ERN1: variants seen among roughly 807,000 people sequenced by gnomAD.
ERN1 encodes serine/threonine-protein kinase/endoribonuclease IRE1.
In ERN1, 39 loss-of-function variants were observed where a neutral mutation model predicts 113.1. The observed-to-expected ratio is 0.34, with a 90% CI of 0.27 to 0.45. ERN1 has a LOEUF of 0.45. ERN1 is among the 20% of genes least tolerant of loss of function. The pLI is 1.00. For synonymous variants in ERN1, 507 were observed against 515.9 expected (o/e 0.98, Z 0.23); for missense variants, 976 against 1,274.8 (o/e 0.77, Z 3.57).
At chr17:64,093,798 T>C (rs1338435427) in intron 2 of ERN1, among the ~76,000 whole-genome samples, 1 of 152,210 alleles carries the variant, frequency 6.6e-6, no homozygotes, top group East Asian at 1.9e-4. Flanking sequence ...CAACAGGGCA[T>C]GTTGCTCCTT....
At chr17:64,082,064 T>C (rs1400147552) in intron 2 of ERN1, among the ~76,000 whole-genome samples, 1 of 152,228 alleles carries the variant, frequency 6.6e-6, no homozygotes, top group Non-Finnish European at 1.5e-5. Flanking sequence ...TAGGCTCTGC[T>C]TATGGTGACA....
intron 2 of ERN1, among the ~76,000 whole-genome samples, chr17:64,086,612 C>G (rs377535868): frequency 1.0e-5 from 1 of 97,790 alleles, no homozygotes; most frequent in African/African-American, 3.5e-5. Context: ...GACCTATTTT[C>G]ATTTCTTTTT....
In ERN1 at chr17:64,080,777, T is replaced by C; in HGVS notation, c.207A>G (p.Glu69=). 10 of 1,610,510 alleles carry C rather than the reference T, an allele frequency of 6.2e-6. No individual in the cohort carries two copies. The highest frequency in any genetic ancestry group is 3.3e-5 in the South Asian group (3 of 90,142). Residue 69 remains glutamate, a splice_region_variant and synonymous_variant, in exon 3 of 22, where the codon GAA becomes GAG. Coordinates refer to ENST00000433197, the MANE Select transcript of ERN1 (RefSeq NM_001433.5). ...DPVLQVPTHV[E]EPAFLPDPND... ...ACTGAGCGAATCAGAAAACTTACTCTTCCACATGTGTTGGGACCTGCAGGA... is the reference window on the plus strand; with the variant it reads ...ACTGAGCGAATCAGAAAACTTACTCCTCCACATGTGTTGGGACCTGCAGGA...
intron 4 of ERN1, among the ~76,000 whole-genome samples, chr17:64,078,678 G>A (rs1913673399): frequency 6.6e-6 from 1 of 151,972 alleles, no homozygotes; most frequent in African/African-American, 2.4e-5. Flanking sequence ...ATTCCTATAT[G>A]GATATCCCAA....
At chr17:64,085,023 T>A (rs527242276) in intron 2 of ERN1, among the ~76,000 whole-genome samples, 1 of 152,202 alleles carries the variant, frequency 6.6e-6, no homozygotes, top group Non-Finnish European at 1.5e-5. Context: ...TTCTGTATAT[T>A]TTATTGCTTA....
intron 1 of ERN1, among the ~76,000 whole-genome samples, chr17:64,120,322 A>G (rs1280950980): frequency 6.6e-6 from 1 of 152,222 alleles, no homozygotes; most frequent in African/African-American, 2.4e-5. Flanking sequence ...TACCTTGGTC[A>G]ACAAACTTCT....
At chr17:64,080,489 G>A (rs1190295859) in intron 3 of ERN1, 2 of 358,644 alleles carry the variant, frequency 5.6e-6, no homozygotes, top group Non-Finnish European at 1.0e-5. Context: ...CAGCAAAGAG[G>A]AAGAGGTCCA....
intron 2 of ERN1, among the ~76,000 whole-genome samples, chr17:64,095,347 TC>T (rs1214511224): frequency 6.6e-6 from 1 of 152,154 alleles, no homozygotes; most frequent in Non-Finnish European, 1.5e-5. Flanking sequence ...GAGAATCACT[TC>T]AACCTAAGAG....
At position 64,049,055 on chromosome 17, in the gene ERN1, C is replaced by T. The variant is rs1364559749; in HGVS notation, c.2401G>A (p.Glu801Lys). ...CAACCCCAACCCCTGGACCGCTCACCGTGCTTCTCTGGGTGCAAGCAGTCA... is the reference window on the plus strand; with the variant it reads ...CAACCCCAACCCCTGGACCGCTCACTGTGCTTCTCTGGGTGCAAGCAGTCA... ...SLDCLHPEKH[E>K]DVIARELIEK... The change falls in exon 18 of 22, where the codon GAA becomes AAA. Residue 801 changes from glutamate (E) to lysine (K), a missense_variant and splice_region_variant. Around this residue, in one of 5 missense-constraint regions of ERN1, gnomAD observed 297 missense variants for 457.8 expected, o/e 0.65. Transcript: ENST00000433197. This position sits in a 1 kb window ranked among gnomAD's most constrained non-coding sequence, Gnocchi z 4.7. The T allele has an allele frequency of 1.9e-6, 3 of 1,585,210 alleles. No individual in the cohort carries two copies. Among genetic ancestry groups the T allele is most frequent in the South Asian group, 1.1e-5 (1 of 89,438 alleles).
chr17:64,098,968 A>G (rs897000652), intron 1 of ERN1, among the ~76,000 whole-genome samples: 4 of 152,218 alleles, frequency 2.6e-5, no homozygotes, highest in Admixed American at 2.0e-4. Flanking sequence ...GGAAAATATA[A>G]AAGTGCTCTT....
chr17:64,098,814 T>C (rs1914303164), intron 1 of ERN1, among the ~76,000 whole-genome samples: 1 of 152,050 alleles, frequency 6.6e-6, no homozygotes, highest in Admixed American at 6.5e-5. Flanking sequence ...TCACTTAGAA[T>C]AAAAATAAAA....
chr17:64,044,764 A>T lies in ERN1; in HGVS notation c.2721+96T>A. The T allele has an allele frequency of 2.3e-6, 2 of 860,602 alleles. No individual in the cohort carries two copies. The highest frequency in any genetic ancestry group is 1.7e-5 in the African/African-American group (1 of 59,128). 53.3% of individuals were successfully genotyped at this position (860,602 alleles called of 1,614,324 possible). ...CTAGCTCCTGAGAGATGAGAATGCC[A>T]GTACAGATAAAAGATTTATAAAGAA... On this transcript the variant is annotated intron_variant, in intron 21 of 21. Coordinates refer to ENST00000433197, the MANE Select transcript of ERN1 (RefSeq NM_001433.5). This position sits in a 1 kb window ranked among gnomAD's most constrained non-coding sequence, Gnocchi z 4.1.
intron 1 of ERN1, among the ~76,000 whole-genome samples, chr17:64,105,569 T>TG (rs1914502187): frequency 6.6e-6 from 1 of 152,200 alleles, no homozygotes; most frequent in Non-Finnish European, 1.5e-5. Context: ...AGGCTGGTTT[T>TG]TTCTCTGTGT....
At chr17:64,057,218 C>T (rs532062231) in intron 12 of ERN1, among the ~76,000 whole-genome samples, 1 of 152,300 alleles carries the variant, frequency 6.6e-6, no homozygotes. Context: ...ATACAGATAA[C>T]TATTCAAAAT....
Position 64,058,881 on chromosome 17 carries a change from TC to T in ERN1, c.1207-889del, listed in dbSNP as rs112903543. On this transcript the variant is annotated intron_variant, in intron 11 of 21. Coordinates refer to ENST00000433197, the MANE Select transcript of ERN1 (RefSeq NM_001433.5). ...TTATTCATGCCTCTCCCACAGTGCCTCCCACATTTTTGGGGGTTTGTAGCCT... is the reference window on the plus strand; with the variant it reads ...TTATTCATGCCTCTCCCACAGTGCCTCCACATTTTTGGGGGTTTGTAGCCT... Among the ~76,000 whole-genome samples the T allele has an allele frequency of 9.7e-3, 1,483 of 152,194 alleles. 17 individuals are homozygous for T. The highest frequency in any genetic ancestry group is 0.034 in the African/African-American group (1,412 of 41,514).
intron 1 of ERN1, among the ~76,000 whole-genome samples, chr17:64,108,886 G>A (rs1914600613): frequency 6.6e-6 from 1 of 152,148 alleles, no homozygotes; most frequent in Admixed American, 6.5e-5. Flanking sequence ...ACTTTGGGAG[G>A]CCAACGCAGG....
intron 19 of ERN1, among the ~76,000 whole-genome samples, chr17:64,046,859 G>A (rs1330597669): frequency 6.6e-6 from 1 of 152,232 alleles, no homozygotes; most frequent in Non-Finnish European, 1.5e-5. Flanking sequence ...AGGCGTTCGG[G>A]TGAGTTATGT....
intron 2 of ERN1, among the ~76,000 whole-genome samples, chr17:64,097,653 C>T (rs750887113): frequency 2.0e-4 from 30 of 152,320 alleles, no homozygotes; most frequent in Middle Eastern, 3.4e-3. Context: ...CTCACCATAA[C>T]AACCCAATAA....
intron 1 of ERN1, among the ~76,000 whole-genome samples, chr17:64,127,023 T>C (rs1335920906): frequency 6.6e-6 from 1 of 152,300 alleles, no homozygotes; most frequent in East Asian, 1.9e-4. Flanking sequence ...ACAGTGATGA[T>C]GTAACCCTAA....
Sources: allele counts gnomAD v4.1 joint callset (sites outside exome capture counted in the v4.1 genomes callset), GRCh38; gene constraint gnomAD v4.1.1; regional missense constraint gnomAD v4.1.1; non-coding constraint Gnocchi (gnomAD v3.1); transcripts MANE v1.5; gene names NCBI Gene and HGNC (gene_info 2026-07-23, HGNC 2026-07-21).